Variants in SASH1 observed in about 807,000 individuals in gnomAD.
SASH1 encodes the protein SAM and SH3 domain containing 1, also known as SAM and SH3 domain-containing protein 1.
In SASH1, 44 loss-of-function variants were observed where a neutral mutation model predicts 125.2. The observed-to-expected ratio is 0.35, with a 90% CI of 0.28 to 0.45. The LOEUF is 0.45. SASH1 is among the 20% of genes least tolerant of loss of function. SASH1 has a pLI of 1.00. For synonymous variants in SASH1, 639 were observed against 649.1 expected (o/e 0.98, Z 0.24); for missense variants, 1,426 against 1,614.5 (o/e 0.88, Z 2.00).
intron 4 of SASH1, among the ~76,000 whole-genome samples, chr6:148,443,848 A>G (rs968158817): frequency 2.6e-5 from 4 of 152,192 alleles, no homozygotes; most frequent in Non-Finnish European, 1.5e-5. Context: ...CTATTCCCTT[A>G]CATCAAAATG....
At chr6:148,446,320 G>C (rs1033204112) in intron 4 of SASH1, among the ~76,000 whole-genome samples, 9 of 152,046 alleles carry the variant, frequency 5.9e-5, no homozygotes, top group African/African-American at 2.2e-4. Context: ...GTGTTAGCCA[G>C]GATGGTCTTG....
intron 16 of SASH1, among the ~76,000 whole-genome samples, chr6:148,535,949 GTGAAATTCCCTTC>G (rs201876587): frequency 0.017 from 2,599 of 152,282 alleles, 43 homozygotes; most frequent in Non-Finnish European, 0.023. Context: ...GTGTCATTAG[GTGAAATTCCCTTC>G]TGCTAAATAG....
chr6:148,221,558 C>G, the SASH1 span, among the ~76,000 whole-genome samples: 1 of 152,170 alleles, frequency 6.6e-6, no homozygotes. Context: ...AGGAACGTTT[C>G]ATTTTGAAAA....
intron 1 of SASH1, among the ~76,000 whole-genome samples, chr6:148,280,058 T>C (rs1420534228): frequency 9.2e-5 from 5 of 54,060 alleles, no homozygotes; most frequent in Non-Finnish European, 6.8e-5. Context: ...CCTAACATCA[T>C]TCCCCCCCAT....
the SASH1 span, among the ~76,000 whole-genome samples, chr6:148,228,035 A>G: frequency 6.6e-6 from 1 of 152,316 alleles, no homozygotes; most frequent in East Asian, 1.9e-4. Context: ...GAAACATTAC[A>G]TTTCAAGCTA....
At chr6:148,483,892 C>T (rs1464282513) in intron 7 of SASH1, among the ~76,000 whole-genome samples, 1 of 152,112 alleles carries the variant, frequency 6.6e-6, no homozygotes, top group Admixed American at 6.6e-5. Flanking sequence ...GATTTGGACA[C>T]ATATAGAGTC....
At chr6:148,359,967 C>T (rs1274817026) in intron 1 of SASH1, among the ~76,000 whole-genome samples, 2 of 152,144 alleles carry the variant, frequency 1.3e-5, no homozygotes, top group Non-Finnish European at 2.9e-5. Flanking sequence ...ACCGTGTTAG[C>T]CAGGATGGTC....
chr6:148,535,722 A>G (rs1781803102), intron 16 of SASH1, among the ~76,000 whole-genome samples: 2 of 152,178 alleles, frequency 1.3e-5, no homozygotes, highest in South Asian at 2.1e-4. Context: ...GTATTATTCA[A>G]TCTGCCATCA....
At chr6:148,371,774 C>T (rs1053774527) in intron 1 of SASH1, among the ~76,000 whole-genome samples, 2 of 152,098 alleles carry the variant, frequency 1.3e-5, no homozygotes, top group East Asian at 1.9e-4. Flanking sequence ...CCTGCCTCCC[C>T]GTGACCCAGG....
intron 1 of SASH1, among the ~76,000 whole-genome samples, chr6:148,290,382 A>G (rs188667864): frequency 9.2e-5 from 14 of 151,438 alleles, no homozygotes; most frequent in African/African-American, 3.4e-4. Context: ...CGAGGCGGGC[A>G]GATCACGAGG....
chr6:148,311,661 G>C (rs1366186537), intron 1 of SASH1, among the ~76,000 whole-genome samples: 1 of 151,886 alleles, frequency 6.6e-6, no homozygotes, highest in Non-Finnish European at 1.5e-5. Context: ...AAAATGAGCT[G>C]AATGTGGTAG....
At chr6:148,406,026 A>G (rs1784356806) in intron 2 of SASH1, among the ~76,000 whole-genome samples, 1 of 152,200 alleles carries the variant, frequency 6.6e-6, no homozygotes, top group African/African-American at 2.4e-5. Context: ...GCAGGCAGAG[A>G]TGTGCCCTGT....
intron 4 of SASH1, among the ~76,000 whole-genome samples, chr6:148,455,450 T>C (rs2115056898): frequency 6.6e-6 from 1 of 152,276 alleles, no homozygotes; most frequent in Non-Finnish European, 1.5e-5. Flanking sequence ...GTCTGAATCA[T>C]TTCCAGCAGG....
intron 4 of SASH1, among the ~76,000 whole-genome samples, chr6:148,457,972 A>G (rs147121886): frequency 1.1e-3 from 164 of 152,344 alleles, no homozygotes; most frequent in African/African-American, 3.7e-3. Flanking sequence ...ACCTCCAACC[A>G]GGTCTCACCC....
At chr6:148,471,697 G>T (rs755389447) in intron 6 of SASH1, among the ~76,000 whole-genome samples, 194 bp downstream of exon 6, 7 of 152,068 alleles carry the variant, frequency 4.6e-5, no homozygotes, top group Admixed American at 1.3e-4. Flanking sequence ...TTAAGTCAAA[G>T]AAAACAAAAG....
chr6:148,283,186 T>G (rs1425161900), intron 1 of SASH1, among the ~76,000 whole-genome samples: 1 of 152,154 alleles, frequency 6.6e-6, no homozygotes, highest in Non-Finnish European at 1.5e-5. Context: ...TCTAGCTGAG[T>G]GCGCCAAATG....
chr6:148,450,444 C>T (rs1279463482), intron 4 of SASH1, among the ~76,000 whole-genome samples: 2 of 152,094 alleles, frequency 1.3e-5, no homozygotes, highest in South Asian at 4.2e-4. Context: ...GAATTTCATG[C>T]ATTGGAAGCA....
chr6:148,529,392 T>G lies in SASH1; in HGVS notation c.1428+1796T>G, dbSNP rs1346837953. 2.0e-5 allele frequency among the ~76,000 whole-genome samples: 3 copies of G among 152,244 alleles called. No individual in the cohort carries two copies. The highest frequency in any genetic ancestry group is 7.2e-5 in the African/African-American group (3 of 41,470). On this transcript the variant is annotated intron_variant, in intron 12 of 19. Coordinates refer to ENST00000367467, the MANE Select transcript of SASH1 (RefSeq NM_015278.5). This position sits in a 1 kb window ranked among gnomAD's most constrained non-coding sequence, Gnocchi z 4.2. ...TCTGGACTGCCTTCAGCATGTCTTA[T>G]CCATGATTTTTTTTCTTTATTCTTT...
At chr6:148,252,412 T>A in the SASH1 span, among the ~76,000 whole-genome samples, 2 of 152,072 alleles carry the variant, frequency 1.3e-5, no homozygotes, top group Non-Finnish European at 2.9e-5. Context: ...AACAGCTACA[T>A]CATGGCTATA....
Sources: gnomAD v4.1 joint callset for allele counts (sites outside exome capture counted in the v4.1 genomes callset) on GRCh38, gnomAD v4.1.1 for gene constraint, Gnocchi (gnomAD v3.1) non-coding constraint, MANE v1.5 for transcripts, NCBI Gene and HGNC (gene_info 2026-07-23, HGNC 2026-07-21) for gene names.